Variants in MMP24 observed in about 807,000 individuals in gnomAD.
The protein encoded by MMP24 is matrix metallopeptidase 24.
In MMP24, 25 loss-of-function variants were observed where a neutral mutation model predicts 62.8. The observed-to-expected ratio is 0.40, with a 90% CI of 0.29 to 0.56. The LOEUF is 0.56. Ranked by LOEUF, MMP24 falls within the 20% of genes least tolerant of loss-of-function variation. The pLI is 0.50. For synonymous variants in MMP24, 319 were observed against 350.5 expected (o/e 0.91, Z 1.00); for missense variants, 634 against 853.6 (o/e 0.74, Z 3.21).
At chr20:35,238,471 A>C (rs1202874464) in intron 1 of MMP24, among the ~76,000 whole-genome samples, 1 of 152,138 alleles carries the variant, frequency 6.6e-6, no homozygotes, top group Non-Finnish European at 1.5e-5. Flanking sequence ...AAGAGGGAGG[A>C]GGGGAGAGTG....
At chr20:35,237,431 T>C (rs150854834) in intron 1 of MMP24, among the ~76,000 whole-genome samples, 1 of 152,220 alleles carries the variant, frequency 6.6e-6, no homozygotes. Flanking sequence ...CTTCCTCTTA[T>C]AAGGATGCTT....
intron 4 of MMP24, among the ~76,000 whole-genome samples, chr20:35,258,809 C>A (rs868369892): frequency 1.3e-5 from 2 of 151,084 alleles, no homozygotes; most frequent in Admixed American, 1.3e-4. Context: ...AAAAAAAAAA[C>A]AACAAAAAAG....
At chr20:35,272,736 C>A (rs2060678148) in intron 8 of MMP24, among the ~76,000 whole-genome samples, 1 of 152,198 alleles carries the variant, frequency 6.6e-6, no homozygotes, top group Non-Finnish European at 1.5e-5. Context: ...AAAACACAGA[C>A]TCTAGAGCTG....
At chr20:35,240,470 G>T (rs1385818360) in intron 1 of MMP24, among the ~76,000 whole-genome samples, 1 of 152,086 alleles carries the variant, frequency 6.6e-6, no homozygotes, top group Admixed American at 6.6e-5. Context: ...AGCTGTAAAG[G>T]TTAGACTTCT....
chr20:35,238,073 T>C (rs951066549), intron 1 of MMP24, among the ~76,000 whole-genome samples: 3 of 152,226 alleles, frequency 2.0e-5, no homozygotes, highest in Non-Finnish European at 4.4e-5. Context: ...AAGCTGCTGA[T>C]GGACCATTTG....
intron 8 of MMP24, among the ~76,000 whole-genome samples, chr20:35,273,708 G>C (rs894495838): frequency 1.3e-5 from 2 of 152,194 alleles, no homozygotes; most frequent in African/African-American, 2.4e-5. Flanking sequence ...GCTGTTGCTC[G>C]AGCCCTGGGG....
chr20:35,266,703 C>G (rs1008430391), intron 5 of MMP24, among the ~76,000 whole-genome samples: 3 of 152,190 alleles, frequency 2.0e-5, no homozygotes, highest in Non-Finnish European at 4.4e-5. Context: ...GGAATGCAAA[C>G]TCTCAGGCCC....
chr20:35,274,316 AACCAGAAACTGAGCGTGG>A lies in MMP24; in HGVS notation c.1647_1664del (p.Asn549_Glu555delinsLys). 1 of 1,613,462 alleles carries A rather than the reference AACCAGAAACTGAGCGTGG, an allele frequency of 6.2e-7. No homozygotes were observed. The highest frequency in any genetic ancestry group is 2.2e-5 in the East Asian group (1 of 44,878). ...GGGCCGGGACTACTGGAAGTTTGAC[AACCAGAAACTGAGCGTGG>A]AGCCAGGCTACCCGCGCAACATCCT... On this transcript the variant is annotated inframe_deletion, in exon 9 of 9. Coordinates refer to ENST00000246186, the MANE Select transcript of MMP24 (RefSeq NM_006690.4). The surrounding 1 kb of genome is among the most constrained non-coding windows in gnomAD (Gnocchi z 5.1).
chr20:35,255,892 A>C (rs2060572236), intron 4 of MMP24: 1 of 152,154 alleles, frequency 6.6e-6, no homozygotes, highest in African/African-American at 2.4e-5. Context: ...AAATGGCATG[A>C]TCTCTGTCCC....
chr20:35,262,706 C>G lies in MMP24; in HGVS notation c.818-1085C>G, dbSNP rs1017614934. On this transcript the variant is annotated intron_variant, in intron 4 of 8. Transcript: ENST00000246186. Reference sequence around the variant, plus strand: ...CGGGCTGGGGGACAGTCAGGTCTTTCCCTTCCCACGAGGCCATATTTCAGA... The same window carrying G: ...CGGGCTGGGGGACAGTCAGGTCTTTGCCTTCCCACGAGGCCATATTTCAGA... The G allele has an allele frequency of 1.6e-4, 23 of 145,668 alleles. 1 individual carries two copies. The highest frequency in any genetic ancestry group is 6.4e-4 in the African/African-American group (23 of 35,930). 9.0% of individuals were successfully genotyped at this position (145,668 alleles called of 1,614,324 possible).
At chr20:35,238,557 G>C (rs545615563) in intron 1 of MMP24, among the ~76,000 whole-genome samples, 4 of 152,174 alleles carry the variant, frequency 2.6e-5, no homozygotes, top group Admixed American at 6.5e-5. Flanking sequence ...ACTAGGTGGG[G>C]AAAGATAAAA....
At chr20:35,237,719 T>A (rs149726242) in intron 1 of MMP24, among the ~76,000 whole-genome samples, 1 of 152,304 alleles carries the variant, frequency 6.6e-6, no homozygotes, top group East Asian at 1.9e-4. Flanking sequence ...GGCACTCTGC[T>A]GGAAAGAGAA....
intron 2 of MMP24, among the ~76,000 whole-genome samples, chr20:35,250,022 G>C (rs1167895659): frequency 6.6e-6 from 1 of 151,784 alleles, no homozygotes; most frequent in African/African-American, 2.4e-5. Flanking sequence ...GTGTGATCTT[G>C]GCTCACTGTA....
chr20:35,251,446 C>T (rs1051276346), intron 2 of MMP24, among the ~76,000 whole-genome samples: 4 of 152,154 alleles, frequency 2.6e-5, no homozygotes, highest in African/African-American at 9.7e-5. Context: ...ATTTTATTCT[C>T]AGTGTTTGGG....
intron 4 of MMP24, among the ~76,000 whole-genome samples, chr20:35,261,205 TC>T (rs1235904858): frequency 3.3e-5 from 5 of 152,298 alleles, no homozygotes; most frequent in Admixed American, 3.3e-4. Flanking sequence ...CCTTGTCCTG[TC>T]CTAGGCACAA....
intron 1 of MMP24, among the ~76,000 whole-genome samples, chr20:35,239,145 C>A (rs2060476826): frequency 6.6e-6 from 1 of 151,316 alleles, no homozygotes; most frequent in Non-Finnish European, 1.5e-5. Context: ...CTCCTGGGGT[C>A]AAGCGATTCT....
At chr20:35,255,788 G>A (rs1410200670) in intron 4 of MMP24, among the ~76,000 whole-genome samples, 1 of 152,168 alleles carries the variant, frequency 6.6e-6, no homozygotes, top group Non-Finnish European at 1.5e-5. Flanking sequence ...TGCAAAGTGA[G>A]GGGCTGGATT....
At chr20:35,267,972 G>A (rs551761591) in intron 6 of MMP24, 1 of 154,174 alleles carries the variant, frequency 6.5e-6, no homozygotes, top group African/African-American at 2.4e-5. Flanking sequence ...CTCGGGGAGT[G>A]AACTCTGAGG....
chr20:35,269,976 G>T lies in MMP24; in HGVS notation c.1333+78G>T. The T allele has an allele frequency of 6.6e-7, 1 of 1,521,600 alleles. No homozygotes were observed. The allele number at this position is 1,521,600 out of a possible 1,614,324, so 94.3% of individuals were successfully genotyped here. A position where few individuals can be genotyped will look rare whatever the true frequency, so the allele number is the denominator to read the frequency against. ...CTTTTTCCCATCTAAACTGGAAGAG[G>T]CGGGGTGGGAGGCAGATGTCCTCAG... On this transcript the variant is annotated intron_variant, in intron 7 of 8. Coordinates refer to ENST00000246186, the MANE Select transcript of MMP24 (RefSeq NM_006690.4). The surrounding 1 kb of genome is among the most constrained non-coding windows in gnomAD (Gnocchi z 4.6).
Sources: gnomAD v4.1 joint callset for allele counts (sites outside exome capture counted in the v4.1 genomes callset) on GRCh38, gnomAD v4.1.1 for gene constraint, Gnocchi (gnomAD v3.1) non-coding constraint, MANE v1.5 for transcripts, NCBI Gene and HGNC (gene_info 2026-07-23, HGNC 2026-07-21) for gene names.